BMPER: variants seen among roughly 807,000 people sequenced by gnomAD.
The protein encoded by BMPER is BMP binding endothelial regulator, also known as BMP-binding endothelial regulator protein.
BMPER carries 45 observed loss-of-function variants against 87.3 expected under a neutral mutation model. The ratio of observed to expected loss-of-function variants is 0.52; its 90% CI spans 0.41 to 0.66. BMPER has a LOEUF of 0.66. BMPER is among the 30% of genes least tolerant of loss of function. The pLI, the probability that BMPER is intolerant of heterozygous loss-of-function variation, is 0.00. For synonymous variants in BMPER, 326 were observed against 316.2 expected, an observed-to-expected ratio of 1.03 and a Z score of -0.33; for missense variants, 784 against 867.5, an observed-to-expected ratio of 0.90 and a Z score of 1.21.
chr7:34,134,828 G>T (rs557036343), intron 13 of BMPER, among the ~76,000 whole-genome samples: 3 of 152,140 alleles, frequency 2.0e-5, no homozygotes, highest in African/African-American at 7.2e-5. Context: ...TTTGGTCACT[G>T]TTAAAAGCGT....
At position 34,096,561 on chromosome 7, in the gene BMPER, C is replaced by T. The variant is rs140462039; in HGVS notation, c.1745+10469C>T. Among the ~76,000 whole-genome samples the T allele has an allele frequency of 3.1e-3, 468 of 152,248 alleles. 1 individual carries two copies. Among genetic ancestry groups the T allele is most frequent in the Non-Finnish European group, 3.9e-3 (263 of 68,006 alleles). On this transcript the variant is annotated intron_variant, in intron 13 of 14. Transcript: ENST00000649409. ...TCCAACACATTGTACTCTGTTTATT[C>T]GGAAATCTGAGACTCAGTCTCATTT...
At chr7:34,119,014 T>TCTCACACACACACACACA (rs66493349) in intron 13 of BMPER, among the ~76,000 whole-genome samples, 2,523 of 135,706 alleles carry the variant, frequency 0.019, 58 homozygotes, top group Non-Finnish European at 0.031. Flanking sequence ...TCTCTCTCTC[T>TCTCACACACACACACACA]CACACACACA....
intron 13 of BMPER, among the ~76,000 whole-genome samples, chr7:34,103,189 T>C (rs1789727920): frequency 6.6e-6 from 1 of 152,156 alleles, no homozygotes; most frequent in Non-Finnish European, 1.5e-5. Context: ...GCAGTACTTC[T>C]GGGAATAGGG....
chr7:34,140,153 A>C (rs534583781), intron 13 of BMPER, among the ~76,000 whole-genome samples: 1 of 152,328 alleles, frequency 6.6e-6, no homozygotes, highest in East Asian at 1.9e-4. Context: ...TTCAAGCTTC[A>C]GCTTCCGTAT....
At chr7:33,943,641 C>A (rs1156825463) in intron 3 of BMPER, among the ~76,000 whole-genome samples, 2 of 152,312 alleles carry the variant, frequency 1.3e-5, no homozygotes, top group East Asian at 3.9e-4. Context: ...CCAAAAAAGA[C>A]AAGGCTATTT....
chr7:33,923,185 C>CCT (rs1008657689), intron 2 of BMPER, among the ~76,000 whole-genome samples: 9 of 152,144 alleles, frequency 5.9e-5, no homozygotes, highest in African/African-American at 2.2e-4. Context: ...TTATAAGAGG[C>CCT]CTCTGACTGT....
intron 13 of BMPER, among the ~76,000 whole-genome samples, chr7:34,118,422 A>G (rs775034959): frequency 7.7e-4 from 118 of 152,332 alleles, no homozygotes; most frequent in Non-Finnish European, 1.5e-3. Flanking sequence ...TTTTAATGCA[A>G]GGCGTTCCAT....
At chr7:34,013,538 A>G (rs1786938605) in intron 6 of BMPER, among the ~76,000 whole-genome samples, 1 of 151,916 alleles carries the variant, frequency 6.6e-6, no homozygotes, top group Non-Finnish European at 1.5e-5. Flanking sequence ...TTTACATATC[A>G]TAAAATTCAC....
In BMPER at chr7:33,966,064, T is replaced by C. The variant is rs1280719776; in HGVS notation, c.320-415T>C. 2.6e-5 allele frequency among the ~76,000 whole-genome samples: 4 copies of C among 152,216 alleles called. No homozygotes were observed. In the East Asian group the frequency reaches 7.7e-4, roughly 29 times the overall value. On this transcript the variant is annotated intron_variant, in intron 3 of 14. Transcript: ENST00000649409. ...AAGTCCTATATTTTAATTTTCTGCT[T>C]TTATTTTCTATCATGTTTTAAGCTT... is the stretch of plus-strand genomic sequence containing the variant.
chr7:33,967,989 A>G (rs1309962501), intron 4 of BMPER, among the ~76,000 whole-genome samples: 1 of 152,184 alleles, frequency 6.6e-6, no homozygotes, highest in Non-Finnish European at 1.5e-5. Context: ...TATTTTGTTG[A>G]CTGAATAACA....
At chr7:33,928,782 C>T (rs1417470664) in intron 2 of BMPER, among the ~76,000 whole-genome samples, 3 of 151,766 alleles carry the variant, frequency 2.0e-5, no homozygotes. Flanking sequence ...CTTATTAATC[C>T]CCCATTGCCT....
intron 13 of BMPER, among the ~76,000 whole-genome samples, chr7:34,116,851 G>A (rs1374742613): frequency 6.6e-6 from 1 of 152,080 alleles, no homozygotes; most frequent in African/African-American, 2.4e-5. Context: ...TGAGCCGGGT[G>A]TGGTGGTGCA....
rs1259374868 is a variant in BMPER at position 34,153,904 on chromosome 7, T to C, written c.*631T>C. 1.3e-5 allele frequency: 2 copies of C among 155,770 alleles called. No homozygotes were observed. Among genetic ancestry groups the C allele is most frequent in the African/African-American group, 4.8e-5 (2 of 41,460 alleles). 9.6% of individuals were successfully genotyped at this position (155,770 alleles called of 1,614,324 possible). A position where few individuals can be genotyped will look rare whatever the true frequency, so the allele number is the denominator to read the frequency against. ...CTGGTTGCCAAGAAATATATATTTG[T>C]CACTAGGGCATAACCGAAGAATCAA... On this transcript the variant is annotated 3_prime_UTR_variant, in exon 15 of 15. Coordinates refer to ENST00000649409, the MANE Select transcript of BMPER (RefSeq NM_001365308.1).
At chr7:34,093,352 T>G (rs1789442028) in intron 13 of BMPER, among the ~76,000 whole-genome samples, 1 of 152,184 alleles carries the variant, frequency 6.6e-6, no homozygotes, top group South Asian at 2.1e-4. Context: ...GCATGGATGA[T>G]CTTATCTTCT....
intron 13 of BMPER, among the ~76,000 whole-genome samples, chr7:34,124,146 GGTGTA>G (rs1790335323): frequency 6.6e-6 from 1 of 151,990 alleles, no homozygotes; most frequent in African/African-American, 2.4e-5. Flanking sequence ...TCATTGTCTT[GGTGTA>G]GCTCATTGTT....
chr7:34,022,790 T>G (rs1251526060), intron 6 of BMPER, among the ~76,000 whole-genome samples: 1 of 151,988 alleles, frequency 6.6e-6, no homozygotes, highest in Non-Finnish European at 1.5e-5. Flanking sequence ...CGCCTTCCTT[T>G]TCCCTGCAGT....
intron 6 of BMPER, among the ~76,000 whole-genome samples, chr7:34,031,012 C>T (rs1304372345): frequency 6.6e-6 from 1 of 152,032 alleles, no homozygotes; most frequent in East Asian, 1.9e-4. Flanking sequence ...TTGTCTTTCA[C>T]GTTAGGTCAA....
At chr7:33,917,719 C>T (rs1784119591) in intron 2 of BMPER, among the ~76,000 whole-genome samples, 1 of 152,168 alleles carries the variant, frequency 6.6e-6, no homozygotes, top group Non-Finnish European at 1.5e-5. Context: ...CTTATGAAAA[C>T]ACGCCTTTCC....
intron 11 of BMPER, among the ~76,000 whole-genome samples, chr7:34,068,283 C>T (rs979026914): frequency 2.0e-5 from 3 of 152,272 alleles, no homozygotes; most frequent in South Asian, 2.1e-4. Flanking sequence ...GTAGCTGGCC[C>T]GAAAGCTTGG....
Sources: allele counts gnomAD v4.1 joint callset (sites outside exome capture counted in the v4.1 genomes callset), GRCh38; gene constraint gnomAD v4.1.1; transcripts MANE v1.5; gene names NCBI Gene and HGNC (gene_info 2026-07-23, HGNC 2026-07-21).